Variants in PCDH15 observed in about 807,000 individuals in gnomAD.
PCDH15 encodes protocadherin related 15.
A neutral mutation model predicts 178.5 loss-of-function variants in PCDH15; 129 were observed. That is an observed-to-expected ratio of 0.72 (90% confidence interval 0.63 to 0.84). The LOEUF (loss-of-function observed/expected upper bound fraction) is 0.84, where lower values mean the gene tolerates loss of function less well. Among genes scored for constraint, PCDH15 ranks in the 40% least tolerant of loss-of-function variants. The probability of loss-of-function intolerance (pLI) is 0.00; values close to 1 mark genes in which losing one functional copy is unlikely to be tolerated. For synonymous variants in PCDH15, 800 were observed against 732.0 expected (o/e 1.09, Z -1.50); for missense variants, 2,230 against 2,099.9 (o/e 1.06, Z -1.21).
At chr10:54,943,313 T>C (rs777813265) in intron 2 of PCDH15, among the ~76,000 whole-genome samples, 5 of 152,004 alleles carry the variant, frequency 3.3e-5, no homozygotes, top group African/African-American at 4.8e-5. Context: ...CATTGCATCA[T>C]TCTAACATTC....
At chr10:54,155,004 G>A (rs2044953185) in intron 13 of PCDH15, among the ~76,000 whole-genome samples, 3 of 152,298 alleles carry the variant, frequency 2.0e-5, no homozygotes, top group African/African-American at 7.2e-5. Flanking sequence ...GGGGATAACA[G>A]AGGAGATATC....
intron 8 of PCDH15, among the ~76,000 whole-genome samples, chr10:54,256,268 A>C (rs575286907): frequency 6.0e-4 from 91 of 152,314 alleles, no homozygotes; most frequent in Middle Eastern, 6.8e-3. Flanking sequence ...AAAGATAAAA[A>C]AAAGCATTTA....
At chr10:55,417,301 T>C (rs944274179) in intron 2 of PCDH15, among the ~76,000 whole-genome samples, 13 of 151,486 alleles carry the variant, frequency 8.6e-5, no homozygotes, top group African/African-American at 2.9e-4. Flanking sequence ...AAAACTAAAA[T>C]GAGAAAGACA....
chr10:53,954,569 A>AT (rs1286914400), intron 23 of PCDH15, among the ~76,000 whole-genome samples: 2 of 152,188 alleles, frequency 1.3e-5, no homozygotes, highest in African/African-American at 4.8e-5. Flanking sequence ...TTATGCTTTC[A>AT]TTTTTATTTT....
intron 1 of PCDH15, among the ~76,000 whole-genome samples, chr10:54,766,544 GAAAAAA>G (rs58039735): frequency 1.4e-5 from 2 of 143,006 alleles, no homozygotes; most frequent in Admixed American, 1.4e-4. Context: ...ATTGATACAA[GAAAAAA>G]AAAAAGGAGT....
intron 3 of PCDH15, among the ~76,000 whole-genome samples, chr10:54,524,317 G>T (rs189993999): frequency 2.6e-5 from 4 of 151,374 alleles, no homozygotes; most frequent in African/African-American, 9.7e-5. Context: ...ATATCCTTTT[G>T]TCTCTGCATC....
At chr10:55,293,263 G>A (rs1843052507) in intron 1 of PCDH15, among the ~76,000 whole-genome samples, 1 of 152,148 alleles carries the variant, frequency 6.6e-6, no homozygotes, top group Non-Finnish European at 1.5e-5. Flanking sequence ...CAAGTCACTA[G>A]GTTGCACATA....
At chr10:54,094,506 G>A (rs914535090) in intron 15 of PCDH15, among the ~76,000 whole-genome samples, 2 of 152,100 alleles carry the variant, frequency 1.3e-5, no homozygotes, top group Non-Finnish European at 2.9e-5. Context: ...AGTGATAAAG[G>A]CCGTGAGGTG....
chr10:54,762,939 T>C (rs1461515614), intron 1 of PCDH15, among the ~76,000 whole-genome samples: 1 of 152,184 alleles, frequency 6.6e-6, no homozygotes, highest in Non-Finnish European at 1.5e-5. Flanking sequence ...GAAATAATCT[T>C]TTTATTCTTT....
chr10:54,181,838 TC>T (rs113962852), intron 13 of PCDH15, among the ~76,000 whole-genome samples: 229 of 152,252 alleles, frequency 1.5e-3, no homozygotes, highest in African/African-American at 4.8e-3. Flanking sequence ...GAATTCCCAG[TC>T]CCCAGGCTAT....
intron 20 of PCDH15, among the ~76,000 whole-genome samples, chr10:54,002,978 G>T (rs1252455896): frequency 6.6e-6 from 1 of 152,072 alleles, no homozygotes. Flanking sequence ...TCACTCTCCT[G>T]GTCTGTGGAC....
At chr10:54,176,259 C>T (rs2047426956) in intron 13 of PCDH15, among the ~76,000 whole-genome samples, 1 of 152,070 alleles carries the variant, frequency 6.6e-6, no homozygotes, top group Non-Finnish European at 1.5e-5. Flanking sequence ...AAGGAACTTA[C>T]AGATCAGTAG....
chr10:53,997,693 G>C (rs2253401), intron 20 of PCDH15, among the ~76,000 whole-genome samples: 2,199 of 152,156 alleles, frequency 0.014, 45 homozygotes, highest in African/African-American at 0.05. Context: ...ATTTGCTTGG[G>C]AAGTATTCAT....
chr10:54,380,060 A>G (rs966207396), intron 3 of PCDH15, among the ~76,000 whole-genome samples: 1 of 152,120 alleles, frequency 6.6e-6, no homozygotes, highest in Non-Finnish European at 1.5e-5. Flanking sequence ...AGGCTCTTTA[A>G]AATATTTTCT....
chr10:55,321,469 G>C (rs1402578010), upstream of PCDH15, among the ~76,000 whole-genome samples: 1 of 152,076 alleles, frequency 6.6e-6, no homozygotes, highest in Non-Finnish European at 1.5e-5. Context: ...AACCTCACTA[G>C]AGAGGCCAAC....
chr10:53,935,020 T>C (rs942531292), intron 25 of PCDH15, among the ~76,000 whole-genome samples: 1 of 151,350 alleles, frequency 6.6e-6, no homozygotes, highest in Non-Finnish European at 1.5e-5. Flanking sequence ...TGACCCAGAA[T>C]TGCCAACATG....
intron 2 of PCDH15, among the ~76,000 whole-genome samples, chr10:55,137,521 C>T (rs1838227118): frequency 9.9e-6 from 1 of 100,900 alleles, no homozygotes; most frequent in African/African-American, 3.8e-5. Context: ...TGATGCATGA[C>T]TGTAACAGAT....
intron 22 of PCDH15, among the ~76,000 whole-genome samples, 170 bp from the exon 23 acceptor site, chr10:53,960,014 G>A (rs1015723619): frequency 1.3e-4 from 20 of 152,150 alleles, no homozygotes; most frequent in African/African-American, 4.8e-4. Context: ...AAAATACTAC[G>A]TTCTCACTTA....
At chr10:54,745,636 G>A (rs188818374) in intron 1 of PCDH15, among the ~76,000 whole-genome samples, 29 of 152,226 alleles carry the variant, frequency 1.9e-4, no homozygotes, top group Admixed American at 1.4e-3. Context: ...CCTTGGTCTA[G>A]CCAGGTTTAG....
Sources: gnomAD v4.1 joint callset for allele counts (sites outside exome capture counted in the v4.1 genomes callset) on GRCh38, gnomAD v4.1.1 for gene constraint, MANE v1.5 for transcripts, NCBI Gene and HGNC (gene_info 2026-07-23, HGNC 2026-07-21) for gene names.